PTPRB: variants seen among roughly 807,000 people sequenced by gnomAD.
The protein encoded by PTPRB is protein tyrosine phosphatase receptor type B.
Under a neutral mutation model 238.1 loss-of-function variants are expected in PTPRB, and 97 were observed. That is an observed-to-expected ratio of 0.41 (90% CI 0.35 to 0.48). The LOEUF is 0.48. PTPRB is among the 20% of genes least tolerant of loss of function. The pLI is 0.30. For missense variants in PTPRB, 2,292 were observed against 2,681.9 expected, an observed-to-expected ratio of 0.85 and a Z score of 3.21; for synonymous variants, 970 against 995.4, an observed-to-expected ratio of 0.97 and a Z score of 0.48.
chr12:70,549,238 A>G (rs1876526463), intron 21 of PTPRB, among the ~76,000 whole-genome samples: 1 of 152,334 alleles, frequency 6.6e-6, no homozygotes, highest in Admixed American at 6.5e-5. Flanking sequence ...TCCACTTTAA[A>G]TGTGTCCAGA....
At position 70,572,775 on chromosome 12, in the gene PTPRB, T is replaced by TA. The variant is rs10709963; in HGVS notation, c.2843-689dup. Among the ~76,000 whole-genome samples, 631 of 93,950 alleles carry TA rather than the reference T, an allele frequency of 6.7e-3. 6 individuals carry two copies. Among genetic ancestry groups the TA allele is most frequent in the Middle Eastern group, 0.013 (2 of 152 alleles). The allele number at this position is 93,950 out of a possible 152,430, so 61.6% of individuals were successfully genotyped here. ...GGTGATGGAGCAAGACTCCATCTCA[T>TA]AAAAAAAAAAAAAAAAAGAAAAGAA... On this transcript the variant is annotated intron_variant, in intron 11 of 33. Coordinates refer to ENST00000334414, the MANE Select transcript of PTPRB (RefSeq NM_001109754.4).
chr12:70,570,342 T>A (rs78677270), intron 13 of PTPRB, among the ~76,000 whole-genome samples: 3,422 of 152,228 alleles, frequency 0.022, 137 homozygotes, highest in African/African-American at 0.078. Context: ...GATTCTTTTT[T>A]AATTTAATTT....
chr12:70,610,370 T>A (rs577743601), intron 3 of PTPRB, among the ~76,000 whole-genome samples: 58 of 151,926 alleles, frequency 3.8e-4, no homozygotes, highest in Non-Finnish European at 7.4e-4. Flanking sequence ...GCTTGCTCCC[T>A]GTCACTTTCC....
At chr12:70,553,304 C>T (rs1295593987) in intron 20 of PTPRB, among the ~76,000 whole-genome samples, 1 of 152,154 alleles carries the variant, frequency 6.6e-6, no homozygotes, top group Non-Finnish European at 1.5e-5. Context: ...TAAATGAGAG[C>T]ATGTCTCACA....
intron 7 of PTPRB, 30 bp from the exon 8 acceptor site, chr12:70,590,263 A>T: frequency 6.6e-7 from 1 of 1,515,342 alleles, no homozygotes; most frequent in Non-Finnish European, 8.8e-7. Flanking sequence ...CAAAAAGGAG[A>T]TATTACAGAC....
At chr12:70,521,974 C>G (rs1322646221) in intron 33 of PTPRB, among the ~76,000 whole-genome samples, 6 of 152,182 alleles carry the variant, frequency 3.9e-5, no homozygotes. Flanking sequence ...ACTGAAGCCT[C>G]TTAAGGAATC....
intron 16 of PTPRB, 107 bp from the exon 17 acceptor site, chr12:70,561,041 TTGTA>T: frequency 8.8e-7 from 1 of 1,142,320 alleles, no homozygotes; most frequent in South Asian, 1.5e-5. Context: ...GTCGTACATA[TTGTA>T]GTCAGATCTT....
At chr12:70,556,773 G>T (rs900547085) in intron 18 of PTPRB, among the ~76,000 whole-genome samples, 2 of 152,142 alleles carry the variant, frequency 1.3e-5, no homozygotes, top group African/African-American at 4.8e-5. Context: ...GCCAGAGGGG[G>T]AAAAACAACT....
chr12:70,517,000 C>T lies in PTPRB; in HGVS notation c.*4489G>A, dbSNP rs945503840. ...AAGAGTATTCTCTTAGCCAGAAATA[C>T]TTCTATTGCTAGAAACATTTTTAGA... On this transcript the variant is annotated 3_prime_UTR_variant, in exon 34 of 34. Coordinates refer to ENST00000334414, the MANE Select transcript of PTPRB (RefSeq NM_001109754.4). 6.6e-6 allele frequency: 1 copy of T among 152,188 alleles called. No individual in the cohort carries two copies. Among genetic ancestry groups the T allele is most frequent in the Non-Finnish European group, 1.5e-5 (1 of 68,026 alleles). 9.4% of individuals were successfully genotyped at this position (152,188 alleles called of 1,614,324 possible).
In PTPRB at chr12:70,526,528, A is replaced by G. The variant is rs1872464606; in HGVS notation, c.6505-1937T>C. Among the ~76,000 whole-genome samples the G allele has an allele frequency of 1.3e-5, 2 of 152,202 alleles. 1 individual carries two copies. The highest frequency in any genetic ancestry group is 4.1e-4 in the South Asian group (2 of 4,836). On this transcript the variant is annotated intron_variant, in intron 32 of 33. Transcript: ENST00000334414. The stretch of plus-strand genomic sequence containing the variant: ...GCCTAGAAAAGGACATTTTAAACAA[A>G]TCAATAAGAAGTGAGGCCTGCAATA...
At chr12:70,526,806 A>T (rs1872510045) in intron 32 of PTPRB, among the ~76,000 whole-genome samples, 1 of 152,192 alleles carries the variant, frequency 6.6e-6, no homozygotes, top group Admixed American at 6.5e-5. Context: ...GGGACTTTAG[A>T]GGTAAGCTGT....
chr12:70,583,563 A>G (rs1194774363), intron 9 of PTPRB, among the ~76,000 whole-genome samples: 2 of 152,162 alleles, frequency 1.3e-5, no homozygotes, highest in Non-Finnish European at 2.9e-5. Flanking sequence ...TGGAAAGGCT[A>G]CATTCTAAGT....
In PTPRB at chr12:70,571,984, G is replaced by A. The variant is rs1561799; in HGVS notation, c.2946C>T (p.Val982=). The change falls in exon 12 of 34, where the codon GTC becomes GTT. Residue 982 remains valine, a synonymous_variant. Transcript: ENST00000334414. The stretch of plus-strand genomic sequence containing the variant: ...TGAAGTTGTTTTTGTTTTTAATGGT[G>A]ACTTCATAGTGATCAAAGTCTCCAG... ...HATGDFDHYE[V]TIKNKNNFIQ... 0.058 allele frequency: 94,371 copies of A among 1,613,668 alleles called. 5,754 individuals carry two copies. The highest frequency in any genetic ancestry group is 0.23 in the Admixed American group (14,094 of 60,000).
Position 70,590,008 on chromosome 12 carries a change from T to C in PTPRB, c.2006A>G (p.Glu669Gly). ...CTCAGAATTCTTCAAATTTCCACTC[T>C]CAACAATGACTTCCACCTCATACTG... Reference protein sequence around the residue: ...GRQYEVEVIVESGNLKNSERC... With the variant: ...GRQYEVEVIVGSGNLKNSERC... Residue 669 changes from glutamate (E) to glycine (G), a missense_variant, in exon 8 of 34, where the codon GAG becomes GGG. By Grantham distance (98) the Glu-to-Gly change is moderately conservative. Coordinates refer to ENST00000334414, the MANE Select transcript of PTPRB (RefSeq NM_001109754.4). The C allele has an allele frequency of 6.2e-7, 1 of 1,614,004 alleles. No homozygotes were observed. The highest frequency in any genetic ancestry group is 8.5e-7 in the Non-Finnish European group (1 of 1,179,880).
chr12:70,582,216 T>C (rs1346782236), intron 9 of PTPRB, among the ~76,000 whole-genome samples: 1 of 152,118 alleles, frequency 6.6e-6, no homozygotes, highest in African/African-American at 2.4e-5. Flanking sequence ...ACTGGAACCT[T>C]GGCACCCCTC....
intron 10 of PTPRB, among the ~76,000 whole-genome samples, chr12:70,579,589 C>T (rs747405846): frequency 6.7e-6 from 1 of 150,016 alleles, no homozygotes; most frequent in Non-Finnish European, 1.5e-5. Context: ...CCCAGCTACT[C>T]GGGAGACTGA....
In PTPRB at chr12:70,592,851, T is replaced by C. The variant is rs183168434; in HGVS notation, c.1517-306A>G. Among the ~76,000 whole-genome samples, 70 of 152,336 alleles carry C rather than the reference T, an allele frequency of 4.6e-4. 1 individual carries two copies. Among genetic ancestry groups the C allele is most frequent in the African/African-American group, 1.6e-3 (65 of 41,592 alleles). ...CTGGGCCATTAGTCAGCTGGGAAAC[T>C]CTGGACAGCTCTTTCTAGTTCACTG... is the stretch of plus-strand genomic sequence containing the variant. On this transcript the variant is annotated intron_variant, in intron 6 of 33. Transcript: ENST00000334414.
Position 70,554,392 on chromosome 12 carries a change from AG to A in PTPRB, c.5143+767del, listed in dbSNP as rs1271075977. ...TTCCAGGCACAAGCATCTCTTTTGG[AG>A]AAATAACACACAAGACCTCAATGGC... On this transcript the variant is annotated intron_variant, in intron 20 of 33. Coordinates refer to ENST00000334414, the MANE Select transcript of PTPRB (RefSeq NM_001109754.4). 2.6e-5 allele frequency among the ~76,000 whole-genome samples: 4 copies of A among 152,220 alleles called. No individual in the cohort carries two copies. In the East Asian group the frequency reaches 7.7e-4, roughly 29 times the overall value.
intron 5 of PTPRB, 137 bp downstream of exon 5, chr12:70,595,912 G>T: frequency 2.4e-6 from 2 of 832,620 alleles, no homozygotes; most frequent in Non-Finnish European, 3.5e-6. Context: ...TATCCCACAA[G>T]CTCCTTTTAA....
Sources: gnomAD v4.1 joint callset for allele counts (sites outside exome capture counted in the v4.1 genomes callset) on GRCh38, gnomAD v4.1.1 for gene constraint, MANE v1.5 for transcripts, NCBI Gene and HGNC (gene_info 2026-07-23, HGNC 2026-07-21) for gene names.